The following SLC28A1 variants were observed in gnomAD, a reference collection of about 807,000 sequenced individuals.
The protein encoded by SLC28A1 is sodium/nucleoside cotransporter 1.
SLC28A1 carries 64 observed loss-of-function variants against 74.8 expected under a neutral mutation model. The observed-to-expected ratio is 0.86, with a 90% CI of 0.70 to 1.05. The LOEUF is 1.05. SLC28A1 is among the 50% of genes least tolerant of loss of function. The pLI is 0.00. For missense variants in SLC28A1, 828 were observed against 822.8 expected (o/e 1.01, Z -0.08); for synonymous variants, 359 against 335.0 (o/e 1.07, Z -0.78).
At chr15:84,974,484 G>C in the SLC28A1 span, among the ~76,000 whole-genome samples, 4 of 152,206 alleles carry the variant, frequency 2.6e-5, no homozygotes, top group African/African-American at 9.7e-5. Context: ...AAGTAACGAT[G>C]CTAATGCCAA....
At chr15:84,887,654 C>A (rs113877591) in intron 2 of SLC28A1, 91 bp from the exon 3 acceptor site, 59 of 1,561,594 alleles carry the variant, frequency 3.8e-5, no homozygotes, top group African/African-American at 2.3e-4. Context: ...CTGCTCCCCC[C>A]ACTCAGTCCT....
the SLC28A1 span, among the ~76,000 whole-genome samples, chr15:84,952,086 G>A: frequency 2.9e-4 from 44 of 152,228 alleles, no homozygotes; most frequent in East Asian, 6.4e-3. Flanking sequence ...ACTAAGATCC[G>A]TGTTCCCTCC....
chr15:84,927,109 G>A (rs1425624876), intron 12 of SLC28A1, among the ~76,000 whole-genome samples: 1 of 151,470 alleles, frequency 6.6e-6, no homozygotes, highest in Non-Finnish European at 1.5e-5. Context: ...TCTAGAGACT[G>A]TCATCTGGTT....
In SLC28A1 at chr15:84,928,532, T is replaced by C. The variant is rs866677104; in HGVS notation, c.1083+4422T>C. Among the ~76,000 whole-genome samples the C allele has an allele frequency of 2.6e-3, 14 of 5,292 alleles. 1 individual carries two copies. Among genetic ancestry groups the C allele is most frequent in the African/African-American group, 0.015 (14 of 910 alleles). 3.5% of individuals were successfully genotyped at this position (5,292 alleles called of 152,430 possible). A position where few individuals can be genotyped will look rare whatever the true frequency, so the allele number is the denominator to read the frequency against. ...TCAAGCTCCCAGGTTCGTTCGTTCT[T>C]TCTTTCTTTCTTTCTTTCTTTCTTT... On this transcript the variant is annotated intron_variant, in intron 12 of 18. Coordinates refer to ENST00000394573, the MANE Select transcript of SLC28A1 (RefSeq NM_004213.5).
At chr15:84,974,711 G>A in the SLC28A1 span, among the ~76,000 whole-genome samples, 1 of 152,310 alleles carries the variant, frequency 6.6e-6, no homozygotes, top group Non-Finnish European at 1.5e-5. Context: ...TCCTTGTCCA[G>A]ATATGGATTC....
At chr15:84,949,127 G>A (rs2079329720), downstream of SLC28A1, among the ~76,000 whole-genome samples, 1 of 152,178 alleles carries the variant, frequency 6.6e-6, no homozygotes, top group Admixed American at 6.5e-5. Context: ...CTCTGAGCCA[G>A]GCACCCTTAG....
At chr15:84,909,479 A>C (rs1967811547) in intron 9 of SLC28A1, among the ~76,000 whole-genome samples, 1 of 152,172 alleles carries the variant, frequency 6.6e-6, no homozygotes, top group African/African-American at 2.4e-5. Flanking sequence ...TGGAGCCCCA[A>C]CCCTAATTTA....
chr15:84,917,509 A>T (rs1456638970), intron 9 of SLC28A1, among the ~76,000 whole-genome samples: 1 of 152,172 alleles, frequency 6.6e-6, no homozygotes, highest in Non-Finnish European at 1.5e-5. Context: ...CCTGGGCTCA[A>T]GCAATCCTCT....
intron 6 of SLC28A1, among the ~76,000 whole-genome samples, chr15:84,903,175 G>A (rs1005004410): frequency 6.6e-6 from 1 of 152,222 alleles, no homozygotes; most frequent in East Asian, 1.9e-4. Flanking sequence ...AAAAGCAGTA[G>A]GCTCTGGAAT....
intron 13 of SLC28A1, among the ~76,000 whole-genome samples, chr15:84,933,936 C>G (rs551230310): frequency 5.3e-5 from 8 of 152,180 alleles, no homozygotes; most frequent in Non-Finnish European, 1.2e-4. Context: ...GATCGCACCA[C>G]TGTACTCCAG....
the SLC28A1 span, among the ~76,000 whole-genome samples, chr15:84,974,833 T>A: frequency 6.6e-6 from 1 of 152,046 alleles, no homozygotes; most frequent in Non-Finnish European, 1.5e-5. Context: ...AAACCAAGAC[T>A]CGGTTCCCTG....
the SLC28A1 span, chr15:84,961,688 T>TA: frequency 6.1e-6 from 2 of 325,824 alleles, no homozygotes; most frequent in Non-Finnish European, 1.2e-5. Flanking sequence ...CCGAGACTGT[T>TA]ACGGCAGCAT....
intron 15 of SLC28A1, among the ~76,000 whole-genome samples, chr15:84,939,437 A>G (rs1161981014): frequency 6.6e-6 from 1 of 152,216 alleles, no homozygotes; most frequent in African/African-American, 2.4e-5. Context: ...TCTGTGGAAC[A>G]CAACTGTAGG....
intron 9 of SLC28A1, among the ~76,000 whole-genome samples, chr15:84,917,247 T>C (rs1467948629): frequency 6.6e-6 from 1 of 152,182 alleles, no homozygotes; most frequent in Non-Finnish European, 1.5e-5. Context: ...TATTTTAAAC[T>C]GTTGGGAACA....
chr15:84,925,047 C>T (rs116191689), intron 12 of SLC28A1, among the ~76,000 whole-genome samples: 5,093 of 149,364 alleles, frequency 0.034, 95 homozygotes, highest in East Asian at 0.052. Flanking sequence ...ATTACAGGCA[C>T]GCCCCACCGC....
At chr15:84,904,987 C>T (rs1031724181) in intron 7 of SLC28A1, among the ~76,000 whole-genome samples, 5 of 152,240 alleles carry the variant, frequency 3.3e-5, no homozygotes, top group Non-Finnish European at 5.9e-5. Flanking sequence ...TGATACACAC[C>T]TGAGCTTGGA....
At chr15:84,911,447 C>T (rs1247726343) in intron 9 of SLC28A1, among the ~76,000 whole-genome samples, 1 of 152,230 alleles carries the variant, frequency 6.6e-6, no homozygotes, top group Admixed American at 6.5e-5. Flanking sequence ...GCTAGAACCC[C>T]TCCACTGGAC....
chr15:84,884,732 G>C lies in SLC28A1; in HGVS notation c.-152G>C, dbSNP rs888168383. The C allele has an allele frequency of 1.0e-6, 1 of 985,574 alleles. No homozygotes were observed. The highest frequency in any genetic ancestry group is 1.2e-6 in the Non-Finnish European group (1 of 830,108). 61.1% of individuals were successfully genotyped at this position (985,574 alleles called of 1,614,324 possible). ...TGTGTTGTGTTCCTGGCTTCCCTCT[G>C]GATGCTGACAGAAACAAGGGTGAGA... is the stretch of plus-strand genomic sequence containing the variant. On this transcript the variant is annotated 5_prime_UTR_variant, in exon 1 of 19. Transcript: ENST00000394573.
chr15:84,948,011 G>T (rs1290836609), downstream of SLC28A1, among the ~76,000 whole-genome samples: 1 of 152,044 alleles, frequency 6.6e-6, no homozygotes, highest in Non-Finnish European at 1.5e-5. Context: ...AAAAAACTGC[G>T]TGGACACAGA....
Sources: gnomAD v4.1 joint callset for allele counts (sites outside exome capture counted in the v4.1 genomes callset) on GRCh38, gnomAD v4.1.1 for gene constraint, MANE v1.5 for transcripts, NCBI Gene and HGNC (gene_info 2026-07-23, HGNC 2026-07-21) for gene names.